The following ZDHHC2 variants were observed in gnomAD, a reference collection of about 807,000 sequenced individuals.
ZDHHC2 encodes the protein zDHHC palmitoyltransferase 2.
Under a neutral mutation model 55.6 loss-of-function variants are expected in ZDHHC2, and 51 were observed. The observed-to-expected ratio is 0.92, with a 90% CI of 0.73 to 1.16. The LOEUF is 1.16. Ranked by LOEUF, ZDHHC2 falls within the 50% of genes most tolerant of loss-of-function variation. ZDHHC2 has a pLI of 0.00. For synonymous variants in ZDHHC2, 199 were observed against 152.9 expected, an observed-to-expected ratio of 1.30 and a Z score of -2.22; for missense variants, 491 against 442.4, an observed-to-expected ratio of 1.11 and a Z score of -0.99.
chr8:17,196,229 A>T (rs988806690), intron 4 of ZDHHC2, among the ~76,000 whole-genome samples: 1 of 152,104 alleles, frequency 6.6e-6, no homozygotes, highest in Non-Finnish European at 1.5e-5. Flanking sequence ...ACCCACCAAG[A>T]CTTGCCCAGA....
intron 6 of ZDHHC2, among the ~76,000 whole-genome samples, chr8:17,199,558 CGTCTTCTTCGTCTT>C (rs1806575753): frequency 1.2e-5 from 1 of 80,102 alleles, no homozygotes; most frequent in Admixed American, 1.5e-4. Flanking sequence ...TCTTCGTCTT[CGTCTTCTTCGTCTT>C]TGTCTTCTTC....
Position 17,160,778 on chromosome 8 carries a change from G to A in ZDHHC2, c.130+3925G>A, listed in dbSNP as rs903057708. ...GTACATATTTTTGGCTTTGCAAGCC[G>A]TGTGATCTCTGTTCCAACCACTCAA... On this transcript the variant is annotated intron_variant, in intron 1 of 12. Coordinates refer to ENST00000262096, the MANE Select transcript of ZDHHC2 (RefSeq NM_016353.5). 7.2e-5 allele frequency among the ~76,000 whole-genome samples: 11 copies of A among 152,334 alleles called. No homozygotes were observed. In the East Asian group the frequency reaches 1.9e-3, roughly 27 times the overall value.
chr8:17,160,525 T>C (rs1169835738), intron 1 of ZDHHC2, among the ~76,000 whole-genome samples: 1 of 152,222 alleles, frequency 6.6e-6, no homozygotes, highest in Non-Finnish European at 1.5e-5. Context: ...TTCCTCCGAG[T>C]TACCTAGCGG....
At chr8:17,204,360 A>G (rs1439253343) in intron 6 of ZDHHC2, among the ~76,000 whole-genome samples, 3 of 152,214 alleles carry the variant, frequency 2.0e-5, no homozygotes, top group Admixed American at 2.0e-4. Flanking sequence ...AAAGGAAACA[A>G]TATGTGTATG....
At chr8:17,195,102 A>G (rs548794132) in intron 3 of ZDHHC2, among the ~76,000 whole-genome samples, 40 of 152,336 alleles carry the variant, frequency 2.6e-4, no homozygotes, top group Middle Eastern at 3.4e-3. Flanking sequence ...GATATGCTTA[A>G]TGGATTTTCT....
In ZDHHC2 at chr8:17,223,632, A is replaced by G. The variant is rs1808008026; in HGVS notation, c.*3411A>G. On this transcript the variant is annotated 3_prime_UTR_variant, in exon 13 of 13. Transcript: ENST00000262096. The stretch of plus-strand genomic sequence containing the variant: ...TAGAATTTTCTCACTGTCTTGGTAA[A>G]AATTCCTAGATTCTACTTTTTATTG... 2 of 151,808 alleles carry G rather than the reference A, an allele frequency of 1.3e-5. No individual in the cohort carries two copies. Among genetic ancestry groups the G allele is most frequent in the Admixed American group, 6.6e-5 (1 of 15,204 alleles). 9.4% of individuals were successfully genotyped at this position (151,808 alleles called of 1,614,324 possible). A position where few individuals can be genotyped will look rare whatever the true frequency, so the allele number is the denominator to read the frequency against.
chr8:17,215,555 G>A (rs537453498), intron 11 of ZDHHC2, among the ~76,000 whole-genome samples: 145 of 152,220 alleles, frequency 9.5e-4, no homozygotes, highest in Non-Finnish European at 1.7e-3. Context: ...GTGAAAGATG[G>A]ATCTGCATTG....
At chr8:17,189,011 G>A (rs937411533) in intron 3 of ZDHHC2, among the ~76,000 whole-genome samples, 7 of 151,104 alleles carry the variant, frequency 4.6e-5, no homozygotes, top group East Asian at 1.9e-4. Flanking sequence ...CTCATGTGCC[G>A]CACTGCTCCC....
intron 6 of ZDHHC2, among the ~76,000 whole-genome samples, chr8:17,200,703 G>A (rs1806715472): frequency 6.6e-6 from 1 of 152,206 alleles, no homozygotes; most frequent in African/African-American, 2.4e-5. Flanking sequence ...CTTACAGTCT[G>A]ATAGCCTTTA....
intron 6 of ZDHHC2, among the ~76,000 whole-genome samples, chr8:17,199,487 C>CG (rs1458611192): frequency 2.6e-5 from 1 of 39,096 alleles, no homozygotes; most frequent in African/African-American, 6.4e-5. Flanking sequence ...TCTTCTTCTT[C>CG]TTCTTCTTCT....
intron 1 of ZDHHC2, 134 bp downstream of exon 1, chr8:17,156,987 C>A: frequency 1.2e-6 from 1 of 833,026 alleles, no homozygotes; most frequent in Non-Finnish European, 1.7e-6. Context: ...GTCCCGCCGG[C>A]TCCGCCGCTA....
intron 10 of ZDHHC2, among the ~76,000 whole-genome samples, chr8:17,214,459 C>T (rs1461059139): frequency 6.6e-6 from 1 of 152,196 alleles, no homozygotes; most frequent in Admixed American, 6.5e-5. Flanking sequence ...ACTTTGTCTT[C>T]CTACCATCAC....
intron 10 of ZDHHC2, 50 bp from the exon 11 acceptor site, chr8:17,215,187 A>G (rs1465833853): frequency 1.3e-6 from 2 of 1,496,140 alleles, no homozygotes; most frequent in South Asian, 1.2e-5. Flanking sequence ...CAACTTTACT[A>G]TCAAAAATTA....
At chr8:17,163,167 G>A (rs373661671) in intron 1 of ZDHHC2, among the ~76,000 whole-genome samples, 1 of 152,218 alleles carries the variant, frequency 6.6e-6, no homozygotes, top group Non-Finnish European at 1.5e-5. Context: ...AAGGGCAGGC[G>A]AGTGAAGCGG....
intron 4 of ZDHHC2, among the ~76,000 whole-genome samples, chr8:17,196,688 A>C (rs1338965677): frequency 6.6e-6 from 1 of 151,960 alleles, no homozygotes; most frequent in Admixed American, 6.6e-5. Context: ...GGATCACCTG[A>C]GGTCAGGAGT....
chr8:17,207,987 T>G lies in ZDHHC2; in HGVS notation c.625T>G (p.Phe209Val), dbSNP rs370098686. ...TGGCCTACCTGATACTCAAGCCAAG[T>G]TCCATATTATGTTTTTATTCTTTGC... Reference protein sequence around the residue: ...TNGLPDTQAKFHIMFLFFAAA... With the variant: ...TNGLPDTQAKVHIMFLFFAAA... Residue 209 changes from phenylalanine (F) to valine (V), a missense_variant, in exon 8 of 13, where the codon TTC (phenylalanine) becomes GTC (valine). Physicochemically the swap from Phe to Val is conservative, Grantham distance 50. Transcript: ENST00000262096. 56 of 1,581,976 alleles carry G rather than the reference T, an allele frequency of 3.5e-5. No homozygotes were observed. Among genetic ancestry groups the G allele is most frequent in the Non-Finnish European group, 4.5e-5 (52 of 1,163,236 alleles).
Position 17,222,585 on chromosome 8 carries a change from T to A in ZDHHC2, c.*2364T>A, listed in dbSNP as rs1026182452. ...AAAAATAGTGTACCAATGCTTCATA[T>A]ACGTTAGTTATTTGCTATTATGTAG... On this transcript the variant is annotated 3_prime_UTR_variant, in exon 13 of 13. Coordinates refer to ENST00000262096, the MANE Select transcript of ZDHHC2 (RefSeq NM_016353.5). 6.6e-6 allele frequency: 1 copy of A among 151,878 alleles called. No homozygotes were observed. The highest frequency in any genetic ancestry group is 2.4e-5 in the African/African-American group (1 of 41,432). The allele number at this position is 151,878 out of a possible 1,614,324, so 9.4% of individuals were successfully genotyped here.
intron 6 of ZDHHC2, among the ~76,000 whole-genome samples, chr8:17,199,567 C>CGTCTTCTGTCTTCT: frequency 2.7e-5 from 1 of 36,422 alleles, no homozygotes; most frequent in Non-Finnish European, 1.7e-4. Context: ...TCGTCTTCTT[C>CGTCTTCTGTCTTCT]GTCTTTGTCT....
At chr8:17,183,897 C>G (rs1316486106) in intron 1 of ZDHHC2, among the ~76,000 whole-genome samples, 1 of 152,088 alleles carries the variant, frequency 6.6e-6, no homozygotes, top group African/African-American at 2.4e-5. Flanking sequence ...ATTGGTTGGA[C>G]TGAGCAATCT....
Sources: allele counts gnomAD v4.1 joint callset (sites outside exome capture counted in the v4.1 genomes callset), GRCh38; gene constraint gnomAD v4.1.1; transcripts MANE v1.5; gene names NCBI Gene and HGNC (gene_info 2026-07-23, HGNC 2026-07-21).